The following PIEZO2 variants were observed in gnomAD, a reference collection of about 807,000 sequenced individuals.
PIEZO2 encodes the protein piezo-type mechanosensitive ion channel component 2.
A neutral mutation model predicts 337.3 loss-of-function variants in PIEZO2; 172 were observed. The observed-to-expected ratio is 0.51, with a 90% CI of 0.45 to 0.58. The LOEUF is 0.58. Ranked by LOEUF, PIEZO2 falls within the 20% of genes least tolerant of loss-of-function variation. PIEZO2 has a pLI of 0.00. For synonymous variants in PIEZO2, 1,251 were observed against 1,228.5 expected (o/e 1.02, Z -0.38); for missense variants, 3,028 against 3,391.3 (o/e 0.89, Z 2.66).
In PIEZO2 at chr18:10,691,367, G is replaced by A; in HGVS notation, c.7207C>T (p.Leu2403=). 1.2e-6 allele frequency: 2 copies of A among 1,611,672 alleles called. No homozygotes were observed. Among genetic ancestry groups the A allele is most frequent in the Non-Finnish European group, 1.7e-6 (2 of 1,179,168 alleles). ...GVTERKFSQN[L]VAQLWYFVKC... is the part of the protein sequence containing the mutation. ...ACAAAGTACCAAAGCTGGGCAACCA[G>A]GTTCTGGCTGAATTTCCTAAAATGT... The change falls in exon 48 of 56, where the codon CTG becomes TTG. Residue 2403 remains leucine, a synonymous_variant. Coordinates refer to ENST00000674853, the MANE Select transcript of PIEZO2 (RefSeq NM_001378183.1).
In PIEZO2 at chr18:11,104,221, G is replaced by A. The variant is rs1201920145; in HGVS notation, c.65-37999C>T. On this transcript the variant is annotated intron_variant, in intron 1 of 55. Transcript: ENST00000674853. This position sits in a 1 kb window ranked among gnomAD's most constrained non-coding sequence, Gnocchi z 4.6. ...GAGAATGGTCTATGTAACACTTGGA[G>A]CCCAGAATTTGGAGGCTTTTCACAT... Among the ~76,000 whole-genome samples, 1 of 152,156 alleles carries A rather than the reference G, an allele frequency of 6.6e-6. No homozygotes were observed. The highest frequency in any genetic ancestry group is 2.4e-5 in the African/African-American group (1 of 41,434).
rs1217378305 is a variant in PIEZO2 at position 11,078,347 on chromosome 18, C to T, written c.65-12125G>A. Among the ~76,000 whole-genome samples the T allele has an allele frequency of 6.6e-6, 1 of 152,182 alleles. No individual in the cohort carries two copies. The highest frequency in any genetic ancestry group is 2.4e-5 in the African/African-American group (1 of 41,450). On this transcript the variant is annotated intron_variant, in intron 1 of 55. Transcript: ENST00000674853. This position sits in a 1 kb window ranked among gnomAD's most constrained non-coding sequence, Gnocchi z 5.3. ...TATTCTATATTATTCTTGGCAGCAT[C>T]CGCCTTGGACTGAGGTGTGCATTAA...
chr18:11,138,636 G>C (rs977761793), intron 1 of PIEZO2, among the ~76,000 whole-genome samples: 3 of 152,208 alleles, frequency 2.0e-5, no homozygotes, highest in African/African-American at 7.2e-5. Context: ...ATATTGAGGA[G>C]TAAGTTCCGT....
At chr18:10,865,104 C>CA (rs2144750709) in intron 5 of PIEZO2, among the ~76,000 whole-genome samples, 1 of 152,268 alleles carries the variant, frequency 6.6e-6, no homozygotes, top group East Asian at 1.9e-4. Flanking sequence ...TAGCCAAACA[C>CA]AGAGAGAAGG....
chr18:11,024,563 A>G, intron 2 of PIEZO2, among the ~76,000 whole-genome samples: 1 of 144,690 alleles, frequency 6.9e-6, no homozygotes, highest in African/African-American at 2.6e-5. Context: ...AAAAAAAAAA[A>G]GAAAAAAGAA....
intron 3 of PIEZO2, among the ~76,000 whole-genome samples, chr18:10,955,140 T>C (rs1207726228): frequency 6.6e-6 from 1 of 152,214 alleles, no homozygotes; most frequent in Non-Finnish European, 1.5e-5. Context: ...GAACAAAAGT[T>C]TCCTTTAATT....
intron 2 of PIEZO2, among the ~76,000 whole-genome samples, chr18:11,018,687 A>G (rs2036209740): frequency 6.6e-6 from 1 of 152,092 alleles, no homozygotes; most frequent in Admixed American, 6.5e-5. Context: ...TCTGACATCT[A>G]TGATTAGGCA....
intron 3 of PIEZO2, among the ~76,000 whole-genome samples, chr18:10,956,368 TA>T (rs1426795566): frequency 6.6e-6 from 1 of 152,068 alleles, no homozygotes; most frequent in Non-Finnish European, 1.5e-5. Flanking sequence ...AAACATCAAT[TA>T]AAGAAATTGA....
rs974216047 is a variant in PIEZO2 at position 10,702,025 on chromosome 18, C to A, written c.6405G>T (p.Gln2135His). The change falls in exon 43 of 56, where the codon CAG becomes CAT. Residue 2135 changes from glutamine to histidine, a missense_variant. Physicochemically the swap from Gln to His is conservative, Grantham distance 24. Coordinates refer to ENST00000674853, the MANE Select transcript of PIEZO2 (RefSeq NM_001378183.1). Reference sequence around the variant, plus strand: ...ATCGATGAAAGAACAGAGCCAGGAGCTGGATGAGGTCATAGAGAACATAAC... The same window carrying A: ...ATCGATGAAAGAACAGAGCCAGGAGATGGATGAGGTCATAGAGAACATAAC... ...KEGYVLYDLI[Q>H]LLALFFHRSI... 3.9e-6 allele frequency: 6 copies of A among 1,532,376 alleles called. No homozygotes were observed. Among genetic ancestry groups the A allele is most frequent in the Non-Finnish European group, 4.4e-6 (5 of 1,145,472 alleles). The allele number at this position is 1,532,376 out of a possible 1,614,324, so 94.9% of individuals were successfully genotyped here. A position where few individuals can be genotyped will look rare whatever the true frequency, so the allele number is the denominator to read the frequency against.
chr18:11,103,810 CGTGTGT>C (rs1466262289), intron 1 of PIEZO2, among the ~76,000 whole-genome samples: 4 of 122,554 alleles, frequency 3.3e-5, no homozygotes, highest in Non-Finnish European at 6.7e-5. Flanking sequence ...TGTGTGTGTG[CGTGTGT>C]GCGTGTGTGC....
At chr18:10,912,642 G>C (rs1303166173) in intron 3 of PIEZO2, among the ~76,000 whole-genome samples, 1 of 152,128 alleles carries the variant, frequency 6.6e-6, no homozygotes, top group African/African-American at 2.4e-5. Context: ...TGCCTCAAAG[G>C]CTTCATCTTC....
At chr18:10,974,515 A>G (rs1426894391) in intron 3 of PIEZO2, among the ~76,000 whole-genome samples, 2 of 152,142 alleles carry the variant, frequency 1.3e-5, no homozygotes, top group Admixed American at 6.5e-5. Context: ...CAGAAACGCT[A>G]ATTTTAGCCC....
intron 27 of PIEZO2, among the ~76,000 whole-genome samples, chr18:10,755,002 G>A (rs544954226): frequency 3.2e-4 from 48 of 152,266 alleles, no homozygotes; most frequent in African/African-American, 1.0e-3. Context: ...CTGGCGCAAA[G>A]GGAGTAGCAG....
At chr18:10,811,714 A>G (rs189394839) in intron 7 of PIEZO2, among the ~76,000 whole-genome samples, 112 of 152,382 alleles carry the variant, frequency 7.3e-4, no homozygotes, top group African/African-American at 2.5e-3. Context: ...TAGGTCATAC[A>G]TAGCAGAGAG....
intron 2 of PIEZO2, among the ~76,000 whole-genome samples, chr18:11,042,854 C>G (rs995970742): frequency 6.6e-6 from 1 of 152,130 alleles, no homozygotes; most frequent in African/African-American, 2.4e-5. Context: ...TTCAGGGATG[C>G]TAATCAACCT....
chr18:10,886,374 GTGTGTGTATATATATA>G, intron 4 of PIEZO2, among the ~76,000 whole-genome samples: 1 of 7,268 alleles, frequency 1.4e-4, no homozygotes, highest in African/African-American at 1.1e-3. Flanking sequence ...ATATATGTGT[GTGTGTGTATATATATA>G]TATATATATA....
Position 10,748,620 on chromosome 18 carries a change from A to G in PIEZO2, c.4275T>C (p.Asn1425=). The change falls in exon 30 of 56, where the codon AAT becomes AAC. Residue 1425 remains asparagine (N), a synonymous_variant. Coordinates refer to ENST00000674853, the MANE Select transcript of PIEZO2 (RefSeq NM_001378183.1). The surrounding 1 kb of genome is among the most constrained non-coding windows in gnomAD (Gnocchi z 5.1). ...TVKGYQMPAA[N]SPCTLPSGEA... is the part of the protein sequence containing the mutation. ...CCCCACTGGGAAGTGTACAGGGTGA[A>G]TTAGCAGCAGCTATAGTAACAGTAG... 6.8e-7 allele frequency: 1 copy of G among 1,471,170 alleles called. No individual in the cohort carries two copies. Among genetic ancestry groups the G allele is most frequent in the Non-Finnish European group, 8.9e-7 (1 of 1,120,198 alleles). 91.1% of individuals were successfully genotyped at this position (1,471,170 alleles called of 1,614,324 possible).
At chr18:10,755,727 G>A (rs969858599) in intron 27 of PIEZO2, among the ~76,000 whole-genome samples, 1 of 152,014 alleles carries the variant, frequency 6.6e-6, no homozygotes, top group African/African-American at 2.4e-5. Context: ...CATGGCCACA[G>A]GGGAGACACT....
At chr18:10,885,147 G>A (rs563241236) in intron 4 of PIEZO2, among the ~76,000 whole-genome samples, 15 of 151,990 alleles carry the variant, frequency 9.9e-5, no homozygotes, top group South Asian at 2.1e-4. Context: ...GAATAAAGCC[G>A]GGCGTGGTGG....
Sources: allele counts gnomAD v4.1 joint callset (sites outside exome capture counted in the v4.1 genomes callset), GRCh38; gene constraint gnomAD v4.1.1; non-coding constraint Gnocchi (gnomAD v3.1); transcripts MANE v1.5; gene names NCBI Gene and HGNC (gene_info 2026-07-23, HGNC 2026-07-21).